Variants in C19orf47 observed in about 807,000 individuals in gnomAD.
C19orf47 encodes the protein chromosome 19 open reading frame 47, also known as uncharacterized protein C19orf47.
Under a neutral mutation model 32.3 loss-of-function variants are expected in C19orf47, and 18 were observed. That is an observed-to-expected ratio of 0.56 (90% CI 0.39 to 0.83). The LOEUF is 0.83. Ranked by LOEUF, C19orf47 falls within the 40% of genes least tolerant of loss-of-function variation. C19orf47 has a pLI of 0.00. For missense variants in C19orf47, 484 were observed against 531.6 expected, an observed-to-expected ratio of 0.91 and a Z score of 0.88; for synonymous variants, 202 against 211.1, an observed-to-expected ratio of 0.96 and a Z score of 0.37.
chr19:40,328,614 T>C (rs2077885473), intron 5 of C19orf47, 64 bp from the exon 6 acceptor site: 2 of 1,536,240 alleles, frequency 1.3e-6, no homozygotes, highest in Non-Finnish European at 1.7e-6. Context: ...AATCCAGCAG[T>C]CTCAGGGTCA....
In C19orf47 at chr19:40,328,548, C is replaced by G. The variant is rs755172310; in HGVS notation, c.304G>C (p.Ala102Pro). The G allele has an allele frequency of 6.2e-7, 1 of 1,603,706 alleles. No individual in the cohort carries two copies. The highest frequency in any genetic ancestry group is 2.3e-5 in the East Asian group (1 of 44,148). ...AGGCTGTTGGTGATCATTCGGGAGG[C>G]AGCTGTGGGGAGAAAAGGAGAGTCC... Reference protein sequence around the residue: ...AGEIRRGTSAASRMITNSLNH... With the variant: ...AGEIRRGTSAPSRMITNSLNH... Residue 102 changes from alanine (A) to proline (P), a missense_variant and splice_region_variant, in exon 6 of 9, where the codon GCC (alanine) becomes CCC (proline). Around this residue, in one of 3 missense-constraint regions of C19orf47, gnomAD observed 376 missense variants for 370.2 expected, o/e 1.02. Coordinates refer to ENST00000683109, the MANE Select transcript of C19orf47 (RefSeq NM_001256441.2).
chr19:40,304,384 G>C, the C19orf47 span, among the ~76,000 whole-genome samples: 1 of 152,128 alleles, frequency 6.6e-6, no homozygotes, highest in Non-Finnish European at 1.5e-5. Context: ...AGGAACTTCA[G>C]TGTCACGAAT....
At chr19:40,348,490 C>T, upstream of C19orf47, 1 of 1,496,736 alleles carries the variant, frequency 6.7e-7, no homozygotes, top group South Asian at 1.3e-5. Context: ...CAGGCCGCCA[C>T]CAGCGAGAGT....
chr19:40,302,618 T>C, the C19orf47 span, among the ~76,000 whole-genome samples: 1 of 152,166 alleles, frequency 6.6e-6, no homozygotes, highest in Non-Finnish European at 1.5e-5. Flanking sequence ...TGATTGTGTC[T>C]GGCAGAAATG....
rs1348045503 is a variant in C19orf47 at position 40,330,299 on chromosome 19, A to G, written c.302-1749T>C. ...GCTGGAGTGCAGTGGCGCGATCTTG[A>G]CTCACTGCAAGCTCTGCCTCCCAGG... On this transcript the variant is annotated intron_variant, in intron 5 of 8. Transcript: ENST00000683109. Among the ~76,000 whole-genome samples the G allele has an allele frequency of 5.4e-5, 8 of 149,142 alleles. 1 individual carries two copies. Among genetic ancestry groups the G allele is most frequent in the Admixed American group, 1.3e-4 (2 of 14,870 alleles).
the C19orf47 span, among the ~76,000 whole-genome samples, chr19:40,297,632 G>A: frequency 1.9e-3 from 281 of 149,856 alleles, 2 homozygotes; most frequent in Middle Eastern, 7.1e-3. Flanking sequence ...CCCAGGAAGC[G>A]GAGGTTGTAG....
At chr19:40,344,276 T>C (rs1384034436) in intron 1 of C19orf47, among the ~76,000 whole-genome samples, 1 of 150,628 alleles carries the variant, frequency 6.6e-6, no homozygotes, top group Admixed American at 6.6e-5. Flanking sequence ...GTCAGGAGTT[T>C]GAGACCAGCC....
chr19:40,322,979 T>C (rs1291126697), intron 8 of C19orf47, among the ~76,000 whole-genome samples: 1 of 152,212 alleles, frequency 6.6e-6, no homozygotes, highest in Non-Finnish European at 1.5e-5. Context: ...CCAGAGGAAC[T>C]TTCCCTGAGG....
At position 40,321,878 on chromosome 19, in the gene C19orf47, TGGGCTAGAAG is replaced by T; in HGVS notation, c.1152_*3del. 1 of 1,567,362 alleles carries T rather than the reference TGGGCTAGAAG, an allele frequency of 6.4e-7. No individual in the cohort carries two copies. The highest frequency in any genetic ancestry group is 8.6e-7 in the Non-Finnish European group (1 of 1,157,308). ...CTGCTGCCTGCACCCCGCCCACAGGTGGGCTAGAAGGTCCTGCGGCCCAGTCTTTTGAACA... is the reference window on the plus strand; with the variant it reads ...CTGCTGCCTGCACCCCGCCCACAGGTGTCCTGCGGCCCAGTCTTTTGAACA... On this transcript the variant is annotated stop_lost and 3_prime_UTR_variant, in exon 9 of 9. Transcript: ENST00000683109.
At chr19:40,332,798 G>C (rs1043068563) in intron 5 of C19orf47, among the ~76,000 whole-genome samples, 5 of 152,096 alleles carry the variant, frequency 3.3e-5, no homozygotes, top group South Asian at 2.1e-4. Flanking sequence ...GACACACACA[G>C]AGAACATTTT....
At chr19:40,341,815 C>T in intron 2 of C19orf47, 24 bp downstream of exon 2, 1 of 1,536,132 alleles carries the variant, frequency 6.5e-7, no homozygotes, top group Non-Finnish European at 8.7e-7. Context: ...AGAGGGGGCC[C>T]TGGAGAGAAG....
intron 7 of C19orf47, chr19:40,324,320 C>G (rs1026465352): frequency 3.5e-6 from 2 of 564,278 alleles, no homozygotes; most frequent in Non-Finnish European, 6.4e-6. Context: ...TCAGCACTAG[C>G]TCATGAACTG....
chr19:40,327,681 T>C (rs1446996062), intron 6 of C19orf47, among the ~76,000 whole-genome samples: 2 of 151,894 alleles, frequency 1.3e-5, no homozygotes, highest in Middle Eastern at 3.4e-3. Context: ...AAGAGCATGG[T>C]GGACGGGAAG....
At chr19:40,317,513 C>G (rs548042494), downstream of C19orf47, among the ~76,000 whole-genome samples, 1 of 151,610 alleles carries the variant, frequency 6.6e-6, no homozygotes, top group African/African-American at 2.4e-5. Flanking sequence ...GGGGCGGGCT[C>G]GGGAGAACTG....
Position 40,336,114 on chromosome 19 carries a change from C to T in C19orf47, c.218G>A (p.Arg73His), listed in dbSNP as rs369171913. 28 of 1,613,918 alleles carry T rather than the reference C, an allele frequency of 1.7e-5. No homozygotes were observed. The highest frequency in any genetic ancestry group is 4.0e-5 in the African/African-American group (3 of 74,926). The stretch of plus-strand genomic sequence containing the variant: ...GGGGCTGGGCACAGCACCCACCTGA[C>T]GGTGCACCACTTTGGCATGCTTGAG... ...AILKHAKVVHRQDMCKAATES... is the reference protein window; with the variant it reads ...AILKHAKVVHHQDMCKAATES... Residue 73 changes from arginine to histidine, a missense_variant, in exon 4 of 9, where the codon CGT becomes CAT. This residue lies in a region of C19orf47 where 376 missense variants were observed against 370.2 expected (regional missense o/e 1.02). Coordinates refer to ENST00000683109, the MANE Select transcript of C19orf47 (RefSeq NM_001256441.2).
chr19:40,309,686 CA>C, the C19orf47 span, among the ~76,000 whole-genome samples: 47,053 of 136,396 alleles, frequency 0.34, 8,522 homozygotes, highest in African/African-American at 0.55. Context: ...GACCTTATCT[CA>C]AAAAAAAAAA....
chr19:40,340,582 G>A (rs1406774757), intron 2 of C19orf47, among the ~76,000 whole-genome samples: 3 of 151,648 alleles, frequency 2.0e-5, no homozygotes, highest in Admixed American at 6.6e-5. Context: ...GTGGGAAGCT[G>A]AGGCAGGAGA....
At chr19:40,345,645 C>T (rs891823796) in intron 1 of C19orf47, among the ~76,000 whole-genome samples, 1 of 150,908 alleles carries the variant, frequency 6.6e-6, no homozygotes, top group Admixed American at 6.6e-5. Context: ...AGTTCGAGAC[C>T]AGCCTGGCCA....
intron 2 of C19orf47, among the ~76,000 whole-genome samples, chr19:40,340,434 G>C (rs1302523677): frequency 2.0e-5 from 3 of 152,066 alleles, no homozygotes; most frequent in Non-Finnish European, 4.4e-5. Context: ...TGTAATCCCA[G>C]CACTTTGGGA....
Sources: allele counts gnomAD v4.1 joint callset (sites outside exome capture counted in the v4.1 genomes callset), GRCh38; gene constraint gnomAD v4.1.1; regional missense constraint gnomAD v4.1.1; transcripts MANE v1.5; gene names NCBI Gene and HGNC (gene_info 2026-07-23, HGNC 2026-07-21).